GRIK2: variants seen among roughly 807,000 people sequenced by gnomAD.
GRIK2 encodes glutamate ionotropic receptor kainate type subunit 2, also known as glutamate receptor ionotropic, kainate 2.
A neutral mutation model predicts 100.3 loss-of-function variants in GRIK2; 32 were observed. The observed-to-expected ratio is 0.32, with a 90% CI of 0.24 to 0.43. The LOEUF is 0.43. GRIK2 is among the 20% of genes least tolerant of loss of function. The pLI, the probability that GRIK2 is intolerant of heterozygous loss-of-function variation, is 1.00. For synonymous variants in GRIK2, 417 were observed against 389.4 expected (o/e 1.07, Z -0.83); for missense variants, 843 against 1,114.9 (o/e 0.76, Z 3.47).
At chr6:101,495,357 T>C (rs1773383488) in intron 2 of GRIK2, among the ~76,000 whole-genome samples, 1 of 151,624 alleles carries the variant, frequency 6.6e-6, no homozygotes, top group Admixed American at 6.6e-5. Flanking sequence ...TACAAAACAA[T>C]TAGCCAGGCG....
At chr6:102,007,528 G>C (rs1795303973) in intron 14 of GRIK2, among the ~76,000 whole-genome samples, 2 of 152,006 alleles carry the variant, frequency 1.3e-5, no homozygotes, top group Admixed American at 1.3e-4. Flanking sequence ...TGTATTTATG[G>C]AGGTGGCAAT....
At chr6:101,690,622 AC>A (rs1772024462) in intron 7 of GRIK2, among the ~76,000 whole-genome samples, 1 of 151,910 alleles carries the variant, frequency 6.6e-6, no homozygotes, top group African/African-American at 2.4e-5. Flanking sequence ...ACTAGGTGTA[AC>A]TTGAGCTCAT....
chr6:101,717,897 A>G (rs1774180663), intron 7 of GRIK2, among the ~76,000 whole-genome samples: 1 of 151,788 alleles, frequency 6.6e-6, no homozygotes, highest in Admixed American at 6.6e-5. Flanking sequence ...TCTTTATTAA[A>G]TTATACTACC....
At chr6:101,812,198 A>T (rs1009523775) in intron 9 of GRIK2, among the ~76,000 whole-genome samples, 1 of 151,732 alleles carries the variant, frequency 6.6e-6, no homozygotes, top group Admixed American at 6.6e-5. Context: ...AAAAGAATAG[A>T]CACATATGTA....
At chr6:101,727,950 T>C (rs561323150) in intron 7 of GRIK2, among the ~76,000 whole-genome samples, 1 of 152,170 alleles carries the variant, frequency 6.6e-6, no homozygotes, top group Non-Finnish European at 1.5e-5. Context: ...AAATAATTAT[T>C]TTTATTAATT....
chr6:101,772,272 C>T (rs1010475346), intron 7 of GRIK2, among the ~76,000 whole-genome samples: 4 of 152,208 alleles, frequency 2.6e-5, no homozygotes, highest in Admixed American at 2.6e-4. Flanking sequence ...GAGCTTGTTT[C>T]ACTTGGCCAT....
chr6:101,595,261 T>G (rs529268851), intron 2 of GRIK2, among the ~76,000 whole-genome samples: 106 of 151,804 alleles, frequency 7.0e-4, no homozygotes, highest in African/African-American at 2.5e-3. Flanking sequence ...GGGAGTGATG[T>G]ACAGATCAGT....
At chr6:101,848,569 C>G (rs977495445) in intron 10 of GRIK2, among the ~76,000 whole-genome samples, 1 of 151,852 alleles carries the variant, frequency 6.6e-6, no homozygotes, top group African/African-American at 2.4e-5. Context: ...CGAGGTATTC[C>G]AATATAGATA....
At chr6:101,729,668 C>T (rs756540237) in intron 7 of GRIK2, among the ~76,000 whole-genome samples, 5 of 151,260 alleles carry the variant, frequency 3.3e-5, no homozygotes, top group Non-Finnish European at 7.4e-5. Context: ...TTACTGATCA[C>T]TGAAATAAGA....
chr6:101,682,506 T>C (rs1440276506), intron 5 of GRIK2, 47 bp from the exon 6 acceptor site: 2 of 820,426 alleles, frequency 2.4e-6, no homozygotes, highest in Non-Finnish European at 2.1e-6. Flanking sequence ...ACTGACATAC[T>C]GTCTTTCCTG....
chr6:101,918,727 T>C (rs892513760), intron 12 of GRIK2, among the ~76,000 whole-genome samples: 10 of 151,682 alleles, frequency 6.6e-5, no homozygotes, highest in Non-Finnish European at 1.5e-4. Flanking sequence ...TCTCAAAACT[T>C]GTAGTCATTC....
intron 14 of GRIK2, among the ~76,000 whole-genome samples, chr6:102,016,050 G>A (rs1795817850): frequency 6.6e-6 from 1 of 152,068 alleles, no homozygotes; most frequent in African/African-American, 2.4e-5. Context: ...CCACAAAGAT[G>A]AGAAAAAAAC....
chr6:101,662,555 C>T (rs114554305), intron 4 of GRIK2, among the ~76,000 whole-genome samples: 1,793 of 152,232 alleles, frequency 0.012, 43 homozygotes, highest in African/African-American at 0.042. Context: ...TGGTCAGCCT[C>T]ACCTTCTACT....
At chr6:101,710,684 T>C (rs1654041154) in intron 7 of GRIK2, among the ~76,000 whole-genome samples, 1 of 151,818 alleles carries the variant, frequency 6.6e-6, no homozygotes, top group African/African-American at 2.4e-5. Flanking sequence ...TCATCCACTG[T>C]TTCAATCCTA....
chr6:102,062,846 C>G (rs1771822964), intron 16 of GRIK2, among the ~76,000 whole-genome samples: 1 of 150,470 alleles, frequency 6.6e-6, no homozygotes, highest in South Asian at 2.1e-4. Context: ...TTATTTAACA[C>G]ACCAATATTA....
At chr6:101,818,224 GCTTTAAACAAGCTGC>G (rs755734431) in intron 9 of GRIK2, 131 bp from the exon 10 acceptor site, 68 of 585,244 alleles carry the variant, frequency 1.2e-4, no homozygotes, top group Non-Finnish European at 1.9e-4. Flanking sequence ...CGTGAATCAT[GCTTTAAACAAGCTGC>G]CTTTACTTTA....
intron 2 of GRIK2, among the ~76,000 whole-genome samples, chr6:101,573,055 A>C (rs1777631461): frequency 1.3e-5 from 2 of 151,818 alleles, no homozygotes; most frequent in Admixed American, 1.3e-4. Flanking sequence ...TGTGTTGGCC[A>C]GGCCGGTCTC....
chr6:101,624,319 A>G (rs749922672), intron 3 of GRIK2, among the ~76,000 whole-genome samples: 3 of 152,158 alleles, frequency 2.0e-5, no homozygotes, highest in Non-Finnish European at 4.4e-5. Flanking sequence ...TCTTCAGTAT[A>G]TATGAATTAA....
intron 7 of GRIK2, among the ~76,000 whole-genome samples, chr6:101,757,583 C>A (rs1160217068): frequency 6.6e-6 from 1 of 152,084 alleles, no homozygotes; most frequent in East Asian, 1.9e-4. Context: ...GATTGGTATA[C>A]TGAGGTTCAA....
Sources: gnomAD v4.1 joint callset for allele counts (sites outside exome capture counted in the v4.1 genomes callset) on GRCh38, gnomAD v4.1.1 for gene constraint, MANE v1.5 for transcripts, NCBI Gene and HGNC (gene_info 2026-07-23, HGNC 2026-07-21) for gene names.